The following SLC68A1 variants were observed in gnomAD, a reference collection of about 807,000 sequenced individuals.
The protein encoded by SLC68A1 is major facilitator superfamily domain containing 13A.
At chr10:102,469,983 C>G in the SLC68A1 span, 1 of 1,613,432 alleles carries the variant, frequency 6.2e-7, no homozygotes, top group South Asian at 1.1e-5. Context: ...TGTCTCCCCT[C>G]TGCCTGCAGA....
At chr10:102,472,254 G>T in the SLC68A1 span, 1 of 284,244 alleles carries the variant, frequency 3.5e-6, no homozygotes, top group Non-Finnish European at 6.9e-6. Flanking sequence ...TATGAAATTT[G>T]TTTCACTAAT....
chr10:102,469,537 A>C, the SLC68A1 span, among the ~76,000 whole-genome samples: 2 of 141,682 alleles, frequency 1.4e-5, no homozygotes, highest in Admixed American at 1.4e-4. Context: ...TTTGACTGGC[A>C]GAGTAGGTTT....
the SLC68A1 span, chr10:102,476,424 C>T: frequency 7.7e-6 from 6 of 777,234 alleles, no homozygotes; most frequent in Admixed American, 2.5e-4. Context: ...AGGCTGGTCT[C>T]GAACTCCTGA....
the SLC68A1 span, chr10:102,470,548 C>T: frequency 1.4e-5 from 21 of 1,488,696 alleles, no homozygotes; most frequent in Non-Finnish European, 1.9e-5. Context: ...AGTGGCACCA[C>T]CCTGTTGTGA....
the SLC68A1 span, chr10:102,476,888 G>A: frequency 0.11 from 104,872 of 985,386 alleles, 6,581 homozygotes; most frequent in East Asian, 0.41. Flanking sequence ...CTCCCACTCC[G>A]TCCACCCTTC....
the SLC68A1 span, chr10:102,476,761 T>C: frequency 1.0e-6 from 1 of 986,026 alleles, no homozygotes; most frequent in African/African-American, 1.7e-5. Flanking sequence ...CCATGGGGCG[T>C]GGGAGCCCAT....
chr10:102,472,914 G>A, the SLC68A1 span: 2 of 1,614,030 alleles, frequency 1.2e-6, no homozygotes, highest in Admixed American at 1.7e-5. Context: ...TCTGTTGTCC[G>A]ACCATATCTC....
At chr10:102,471,163 T>C in the SLC68A1 span, 2 of 1,578,370 alleles carry the variant, frequency 1.3e-6, no homozygotes, top group South Asian at 1.1e-5. Context: ...AGCAACCTTC[T>C]AAGTCTGATT....
At chr10:102,469,293 A>G in the SLC68A1 span, 225 of 1,284,346 alleles carry the variant, frequency 1.8e-4, no homozygotes, top group African/African-American at 3.3e-3. Context: ...GCCTGGTCCC[A>G]CCCAGTCAGA....
chr10:102,462,713 G>C, the SLC68A1 span, among the ~76,000 whole-genome samples: 2 of 152,150 alleles, frequency 1.3e-5, no homozygotes, highest in Non-Finnish European at 2.9e-5. Flanking sequence ...GTTGTCCTCA[G>C]CATAGAATCT....
At chr10:102,469,995 A>G in the SLC68A1 span, 1 of 1,613,828 alleles carries the variant, frequency 6.2e-7, no homozygotes, top group South Asian at 1.1e-5. Context: ...GCCTGCAGAC[A>G]GTGTTTCTCC....
the SLC68A1 span, among the ~76,000 whole-genome samples, chr10:102,467,846 C>G: frequency 6.6e-6 from 1 of 152,016 alleles, no homozygotes; most frequent in Non-Finnish European, 1.5e-5. Flanking sequence ...TTAGTAGAGA[C>G]GGGGTTTCAC....
the SLC68A1 span, among the ~76,000 whole-genome samples, chr10:102,465,030 G>A: frequency 2.0e-5 from 3 of 151,848 alleles, no homozygotes; most frequent in East Asian, 1.9e-4. Context: ...CGAGGCAGGC[G>A]GATCACAAGG....
the SLC68A1 span, among the ~76,000 whole-genome samples, chr10:102,467,909 C>T: frequency 7.9e-4 from 121 of 152,206 alleles, 1 homozygote; most frequent in African/African-American, 2.7e-3. Context: ...CCGCCTACCC[C>T]GGCCTCCCAA....
the SLC68A1 span, chr10:102,468,746 C>T: frequency 3.1e-6 from 1 of 325,962 alleles, no homozygotes; most frequent in East Asian, 5.8e-5. Flanking sequence ...GCCGTCTCTT[C>T]CCACAGGCTC....
the SLC68A1 span, chr10:102,473,689 A>G: frequency 6.2e-7 from 1 of 1,613,996 alleles, no homozygotes; most frequent in Non-Finnish European, 8.5e-7. Flanking sequence ...TAGCCTGCTC[A>G]TGTTGTTGGC....
the SLC68A1 span, among the ~76,000 whole-genome samples, chr10:102,470,290 A>T: frequency 1.3e-5 from 2 of 151,944 alleles, no homozygotes; most frequent in Non-Finnish European, 2.9e-5. Flanking sequence ...GAAGAGATCT[A>T]CCCTGGCTTG....
chr10:102,465,118 T>A, the SLC68A1 span, among the ~76,000 whole-genome samples: 1 of 151,056 alleles, frequency 6.6e-6, no homozygotes, highest in Non-Finnish European at 1.5e-5. Flanking sequence ...ATTTGCCGAG[T>A]GTGGTGGCGT....
the SLC68A1 span, among the ~76,000 whole-genome samples, chr10:102,461,657 AG>A: frequency 6.6e-6 from 1 of 151,994 alleles, no homozygotes; most frequent in Admixed American, 6.6e-5. Context: ...CAAGGGGGCA[AG>A]GGTGGAATCC....
Sources: allele counts gnomAD v4.1 joint callset (sites outside exome capture counted in the v4.1 genomes callset), GRCh38; gene constraint gnomAD v4.1.1; transcripts MANE v1.5; gene names NCBI Gene and HGNC (gene_info 2026-07-23, HGNC 2026-07-21).